The following NPAS3 variants were observed in gnomAD, a reference collection of about 807,000 sequenced individuals.
NPAS3 encodes the protein neuronal PAS domain-containing protein 3.
NPAS3 carries 14 observed loss-of-function variants against 73.1 expected under a neutral mutation model. The ratio of observed to expected loss-of-function variants is 0.19; its 90% confidence interval spans 0.13 to 0.30. NPAS3 has a LOEUF of 0.30. Ranked by LOEUF, NPAS3 falls within the 10% of genes least tolerant of loss-of-function variation. The probability of loss-of-function intolerance (pLI) is 1.00; values close to 1 mark genes in which losing one functional copy is unlikely to be tolerated. For synonymous variants in NPAS3, 620 were observed against 541.5 expected (o/e 1.14, Z -2.01); for missense variants, 1,096 against 1,250.0 (o/e 0.88, Z 1.86).
chr14:33,181,748 T>G, intron 2 of NPAS3, among the ~76,000 whole-genome samples: 1 of 152,254 alleles, frequency 6.6e-6, no homozygotes, highest in East Asian at 1.9e-4. Flanking sequence ...GTCTCTCATC[T>G]GGGCTCATGC....
intron 5 of NPAS3, among the ~76,000 whole-genome samples, chr14:33,562,343 A>AGGG (rs1595159454): frequency 6.6e-6 from 1 of 152,236 alleles, no homozygotes; most frequent in Non-Finnish European, 1.5e-5. Context: ...TGGGTTTTAA[A>AGGG]GCACGTACCA....
At chr14:33,405,196 G>C (rs374275254) in intron 4 of NPAS3, among the ~76,000 whole-genome samples, 2 of 151,942 alleles carry the variant, frequency 1.3e-5, no homozygotes, top group African/African-American at 4.8e-5. Context: ...GGATGGTCTG[G>C]ACTTGTGTTC....
At chr14:32,984,273 G>GT (rs1239827739) in intron 1 of NPAS3, among the ~76,000 whole-genome samples, 5 of 152,174 alleles carry the variant, frequency 3.3e-5, no homozygotes, top group Non-Finnish European at 5.9e-5. Flanking sequence ...CAGAGCAAGG[G>GT]TTTTTTCTCC....
chr14:33,282,951 A>G (rs1178490704), intron 3 of NPAS3, among the ~76,000 whole-genome samples: 1 of 152,202 alleles, frequency 6.6e-6, no homozygotes, highest in Non-Finnish European at 1.5e-5. Context: ...CCTTTGACTT[A>G]CATTATTGCT....
At chr14:33,715,711 C>T (rs889748357) in intron 6 of NPAS3, among the ~76,000 whole-genome samples, 1 of 152,210 alleles carries the variant, frequency 6.6e-6, no homozygotes, top group Non-Finnish European at 1.5e-5. Context: ...TTAATAAACA[C>T]TGATATGGTT....
intron 4 of NPAS3, among the ~76,000 whole-genome samples, chr14:33,407,964 T>C (rs2047742781): frequency 6.6e-6 from 1 of 152,126 alleles, no homozygotes; most frequent in South Asian, 2.1e-4. Context: ...AAACAAAAGA[T>C]GAACATCAAA....
Position 33,800,062 on chromosome 14 carries a change from C to T in NPAS3, c.1755C>T (p.Ser585=), listed in dbSNP as rs1251249861. 1 of 1,604,404 alleles carries T rather than the reference C, an allele frequency of 6.2e-7. No individual in the cohort carries two copies. The highest frequency in any genetic ancestry group is 8.5e-7 in the Non-Finnish European group (1 of 1,178,092). ...CCGACAGCGCCAAGGACTCGGACAG[C>T]GCAGGCGAGGCGGGCGCGCAGGCCT... Residue 585 remains serine (S), a synonymous_variant, in exon 12 of 12, where the codon AGC becomes AGT. Coordinates refer to ENST00000356141, the Ensembl canonical transcript of NPAS3. This position sits in a 1 kb window ranked among gnomAD's most constrained non-coding sequence, Gnocchi z 6.5.
intron 6 of NPAS3, among the ~76,000 whole-genome samples, chr14:33,724,578 A>G (rs187614401): frequency 5.3e-5 from 8 of 152,304 alleles, no homozygotes; most frequent in Non-Finnish European, 7.4e-5. Flanking sequence ...GGCTACAGCT[A>G]GCTGTGATTG....
In NPAS3 at chr14:33,800,408, G is replaced by A. The variant is rs772143924; in HGVS notation, c.2101G>A (p.Gly701Ser). ...GTCCCCGCAGGGCGGCGGCGGTGGG[G>A]GTGGCGGTGGCGGGGGGCTGCACGT... Residue 701 changes from glycine (G) to serine (S), a missense_variant, in exon 12 of 12, where the codon GGT becomes AGT. Around this residue, in one of 5 missense-constraint regions of NPAS3, gnomAD observed 698 missense variants for 676.7 expected, o/e 1.03. Coordinates refer to ENST00000356141, the Ensembl canonical transcript of NPAS3. The surrounding 1 kb of genome is among the most constrained non-coding windows in gnomAD (Gnocchi z 6.5). 7 of 1,599,882 alleles carry A rather than the reference G, an allele frequency of 4.4e-6. No homozygotes were observed. The East Asian group carries it at 6.9e-5, about 16-fold the overall frequency.
intron 4 of NPAS3, among the ~76,000 whole-genome samples, chr14:33,447,757 T>A (rs111244188): frequency 0.014 from 2,154 of 152,034 alleles, 29 homozygotes; most frequent in Middle Eastern, 0.048. Context: ...CTACAAAATA[T>A]AAAGAAAATT....
At chr14:33,409,144 G>T (rs2047800731) in intron 4 of NPAS3, among the ~76,000 whole-genome samples, 2 of 152,118 alleles carry the variant, frequency 1.3e-5, no homozygotes, top group African/African-American at 2.4e-5. Flanking sequence ...CATACTATAA[G>T]CTCCAGGTGA....
intron 3 of NPAS3, among the ~76,000 whole-genome samples, chr14:33,227,554 C>G (rs977635787): frequency 1.3e-5 from 2 of 152,108 alleles, no homozygotes; most frequent in African/African-American, 4.8e-5. Flanking sequence ...GAAGGCTATC[C>G]TCCTGGGTCA....
At chr14:33,410,080 T>C (rs1341459354) in intron 4 of NPAS3, among the ~76,000 whole-genome samples, 1 of 152,120 alleles carries the variant, frequency 6.6e-6, no homozygotes, top group African/African-American at 2.4e-5. Flanking sequence ...TTTTTAAATA[T>C]TTGTAAACTT....
chr14:33,559,028 C>T (rs1338583852), intron 4 of NPAS3, among the ~76,000 whole-genome samples: 2 of 152,168 alleles, frequency 1.3e-5, no homozygotes, highest in Non-Finnish European at 2.9e-5. Flanking sequence ...AGTTTGAATG[C>T]TGTATTGCAG....
In NPAS3 at chr14:32,996,830, C is replaced by T. The variant is rs576707735; in HGVS notation, c.50+57464C>T. Among the ~76,000 whole-genome samples the T allele has an allele frequency of 1.9e-4, 29 of 152,240 alleles. 1 individual carries two copies. The highest frequency in any genetic ancestry group is 5.2e-4 in the Admixed American group (8 of 15,300). On this transcript the variant is annotated intron_variant, in intron 1 of 11. Transcript: ENST00000356141. ...GCAGTGGGTATGGGAAATGTGGGGTCGGGGCTCCCACACAGAGTTGATACT... is the reference window on the plus strand; with the variant it reads ...GCAGTGGGTATGGGAAATGTGGGGTTGGGGCTCCCACACAGAGTTGATACT...
chr14:33,392,771 A>G (rs2047063520), intron 4 of NPAS3, among the ~76,000 whole-genome samples: 1 of 152,052 alleles, frequency 6.6e-6, no homozygotes, highest in Non-Finnish European at 1.5e-5. Flanking sequence ...CCCTTACTCC[A>G]GTTGAATTTT....
At chr14:33,094,139 T>C (rs1000475663) in intron 2 of NPAS3, among the ~76,000 whole-genome samples, 1 of 152,008 alleles carries the variant, frequency 6.6e-6, no homozygotes, top group African/African-American at 2.4e-5. Flanking sequence ...GCCCACCACC[T>C]TACAAAGCTA....
intron 4 of NPAS3, among the ~76,000 whole-genome samples, chr14:33,458,600 A>G (rs1365180299): frequency 6.6e-6 from 1 of 152,216 alleles, no homozygotes; most frequent in Non-Finnish European, 1.5e-5. Flanking sequence ...CATATCTGAA[A>G]CAGAAATTTA....
chr14:33,215,042 C>A, intron 2 of NPAS3, 140 bp from the exon 3 acceptor site: 2 of 853,588 alleles, frequency 2.3e-6, no homozygotes, highest in Non-Finnish European at 3.6e-6. Flanking sequence ...TTCTGGAACT[C>A]ATTTTACTGT....
Sources: gnomAD v4.1 joint callset for allele counts (sites outside exome capture counted in the v4.1 genomes callset) on GRCh38, gnomAD v4.1.1 for gene constraint, gnomAD v4.1.1 regional missense constraint, Gnocchi (gnomAD v3.1) non-coding constraint, MANE v1.5 for transcripts, NCBI Gene and HGNC (gene_info 2026-07-23, HGNC 2026-07-21) for gene names.